The following CA12 variants were observed in gnomAD, a reference collection of about 807,000 sequenced individuals.
CA12 encodes the protein carbonic anhydrase 12.
A neutral mutation model predicts 46.8 loss-of-function variants in CA12; 36 were observed. The ratio of observed to expected loss-of-function variants is 0.77; its 90% CI spans 0.59 to 1.02. The LOEUF is 1.02. Ranked by LOEUF, CA12 falls within the 50% of genes least tolerant of loss-of-function variation. The pLI is 0.00. For synonymous variants in CA12, 202 were observed against 187.0 expected (o/e 1.08, Z -0.65); for missense variants, 436 against 451.4 (o/e 0.97, Z 0.31).
chr15:63,349,616 C>A (rs568892226), intron 2 of CA12, among the ~76,000 whole-genome samples: 2 of 152,266 alleles, frequency 1.3e-5, no homozygotes, highest in South Asian at 4.1e-4. Flanking sequence ...AGAATTGCAC[C>A]ATTTTATGGG....
chr15:63,337,884 G>A lies in CA12; in HGVS notation c.874+935C>T, dbSNP rs77980930. ...GAACGGGTTATCTTTAAATATGAACGCCAGGCCCGGTTTGGTCCACACGTG... is the reference window on the plus strand; with the variant it reads ...GAACGGGTTATCTTTAAATATGAACACCAGGCCCGGTTTGGTCCACACGTG... On this transcript the variant is annotated intron_variant, in intron 8 of 10. Transcript: ENST00000178638. Among the ~76,000 whole-genome samples, 122 of 152,206 alleles carry A rather than the reference G, an allele frequency of 8.0e-4. No homozygotes were observed. The East Asian group carries it at 0.02, about 25-fold the overall frequency.
At position 63,348,156 on chromosome 15, in the gene CA12, C is replaced by T. The variant is rs898199030; in HGVS notation, c.107-1447G>A. ...ATCGGAACCCTACTGATTTTTCAGG[C>T]TGTCAACCTTAGGCTATGCATTTTC... On this transcript the variant is annotated intron_variant, in intron 2 of 10. Transcript: ENST00000178638. The surrounding 1 kb of genome is among the most constrained non-coding windows in gnomAD (Gnocchi z 4.6). Among the ~76,000 whole-genome samples the T allele has an allele frequency of 3.9e-5, 6 of 152,222 alleles. No homozygotes were observed. Among genetic ancestry groups the T allele is most frequent in the African/African-American group, 1.4e-4 (6 of 41,450 alleles).
Position 63,381,627 on chromosome 15 carries a change from A to G in CA12, c.85+9T>C. The G allele has an allele frequency of 6.2e-7, 1 of 1,608,700 alleles. No individual in the cohort carries two copies. Among genetic ancestry groups the G allele is most frequent in the Non-Finnish European group, 8.5e-7 (1 of 1,177,428 alleles). On this transcript the variant is annotated intron_variant, in intron 1 of 10. Transcript: ENST00000178638. ...GGAGTGTTAGGAAAGAAGCAGGCGG[A>G]AACTTTACCGTTCACTGGGGCCGGG...
In CA12 at chr15:63,325,941, C is replaced by G. The variant is rs779342366; in HGVS notation, c.*344G>C. 39 of 313,584 alleles carry G rather than the reference C, an allele frequency of 1.2e-4. No individual in the cohort carries two copies. Among genetic ancestry groups the G allele is most frequent in the Non-Finnish European group, 2.4e-4 (38 of 161,630 alleles). 19.4% of individuals were successfully genotyped at this position (313,584 alleles called of 1,614,324 possible). On this transcript the variant is annotated 3_prime_UTR_variant, in exon 11 of 11. Transcript: ENST00000178638. The surrounding 1 kb of genome is among the most constrained non-coding windows in gnomAD (Gnocchi z 4.9). Reference sequence around the variant, plus strand: ...CAGGACACTTGAAAGCACGCTCTGGCAAAGCCCCGGATGAAAGTGTTTTCC... The same window carrying G: ...CAGGACACTTGAAAGCACGCTCTGGGAAAGCCCCGGATGAAAGTGTTTTCC...
intron 10 of CA12, among the ~76,000 whole-genome samples, 179 bp downstream of exon 10, chr15:63,326,970 T>C (rs2038874996): frequency 6.6e-6 from 1 of 152,150 alleles, no homozygotes; most frequent in African/African-American, 2.4e-5. Context: ...ACGACCAGGG[T>C]CACATGTGCG....
At chr15:63,351,662 C>T (rs2039233904) in intron 2 of CA12, among the ~76,000 whole-genome samples, 1 of 152,184 alleles carries the variant, frequency 6.6e-6, no homozygotes, top group Non-Finnish European at 1.5e-5. Flanking sequence ...TCCTCTGCAC[C>T]TTTCCAAATT....
At chr15:63,359,623 A>G (rs909180275) in intron 2 of CA12, among the ~76,000 whole-genome samples, 1 of 152,176 alleles carries the variant, frequency 6.6e-6, no homozygotes, top group Non-Finnish European at 1.5e-5. Flanking sequence ...TAAGATCTAT[A>G]TGCTATATGC....
rs1475621285 is a variant in CA12 at position 63,326,353 on chromosome 15, T to A, written c.997A>T (p.Lys333Ter). Residue 333 changes from lysine to a stop codon, truncating the protein, a stop_gained, in exon 11 of 11, where the codon AAA becomes TAA. Coordinates refer to ENST00000178638, the MANE Select transcript of CA12 (RefSeq NM_001218.5). LOFTEE classifies it high-confidence loss of function. The part of the protein sequence containing the change: ...SIWLFRRKSI[K>*]KGDNKGVIYK... ...ATGACTCCCTTGTTATCACCTTTTT[T>A]GATACTAGAACAGAAAGAACACATA... is the stretch of plus-strand genomic sequence containing the variant. The A allele has an allele frequency of 8.1e-6, 13 of 1,613,038 alleles. No homozygotes were observed. In the East Asian group the frequency reaches 2.5e-4, roughly 30 times the overall value.
intron 2 of CA12, among the ~76,000 whole-genome samples, chr15:63,366,353 G>C (rs932009579): frequency 6.6e-6 from 1 of 152,062 alleles, no homozygotes; most frequent in Non-Finnish European, 1.5e-5. Flanking sequence ...CCCTTTGCCT[G>C]GCTTGCTCTT....
chr15:63,373,995 G>A lies in CA12; in HGVS notation c.106+1663C>T, dbSNP rs879403446. Among the ~76,000 whole-genome samples the A allele has an allele frequency of 1.3e-5, 2 of 152,122 alleles. No individual in the cohort carries two copies. Among genetic ancestry groups the A allele is most frequent in the Non-Finnish European group, 2.9e-5 (2 of 68,018 alleles). On this transcript the variant is annotated intron_variant, in intron 2 of 10. Transcript: ENST00000178638. This position sits in a 1 kb window ranked among gnomAD's most constrained non-coding sequence, Gnocchi z 4.9. The stretch of plus-strand genomic sequence containing the variant: ...ACTGCCACCACTGTAAACTGGATGT[G>A]AAGACACGGAACGGGGTTTCTCCAC...
chr15:63,348,210 GA>G lies in CA12; in HGVS notation c.107-1502del, dbSNP rs1189600508. The stretch of plus-strand genomic sequence containing the variant: ...AATGTTACAGCATGACGGAATTGCA[GA>G]ATCTCCAGTCCAACCTTTCACTGGA... On this transcript the variant is annotated intron_variant, in intron 2 of 10. Coordinates refer to ENST00000178638, the MANE Select transcript of CA12 (RefSeq NM_001218.5). This position sits in a 1 kb window ranked among gnomAD's most constrained non-coding sequence, Gnocchi z 4.6. Among the ~76,000 whole-genome samples the G allele has an allele frequency of 3.3e-5, 5 of 152,320 alleles. No homozygotes were observed. The highest frequency in any genetic ancestry group is 9.6e-5 in the African/African-American group (4 of 41,574).
At chr15:63,379,043 T>A (rs1355097401) in intron 1 of CA12, 1 of 152,176 alleles carries the variant, frequency 6.6e-6, no homozygotes, top group Non-Finnish European at 1.5e-5. Context: ...GGCCTCAGCA[T>A]CACACTCTGG....
chr15:63,365,344 G>A (rs1278757617), intron 2 of CA12, among the ~76,000 whole-genome samples: 1 of 152,238 alleles, frequency 6.6e-6, no homozygotes, highest in Non-Finnish European at 1.5e-5. Flanking sequence ...GTAGTGCAGG[G>A]CACACAGTGC....
intron 2 of CA12, among the ~76,000 whole-genome samples, chr15:63,359,779 G>A (rs1242931079): frequency 6.6e-6 from 1 of 152,060 alleles, no homozygotes. Flanking sequence ...AAACTTGACC[G>A]CCACTCTCCC....
At chr15:63,337,969 A>C (rs2039024359) in intron 8 of CA12, among the ~76,000 whole-genome samples, 1 of 152,236 alleles carries the variant, frequency 6.6e-6, no homozygotes, top group East Asian at 1.9e-4. Context: ...GCTGGGAAGC[A>C]GTCGAGAATC....
intron 8 of CA12, among the ~76,000 whole-genome samples, chr15:63,335,003 T>C (rs1461622739): frequency 6.6e-6 from 1 of 152,170 alleles, no homozygotes; most frequent in African/African-American, 2.4e-5. Context: ...TCCAGACTCC[T>C]ATGACATCAG....
At position 63,340,755 on chromosome 15, in the gene CA12, T is replaced by C; in HGVS notation, c.554A>G (p.Lys185Arg). ...EMGSFNPSYD[K>R]IFSHLQHVKY... ...TACATGTTGAAGGTGACTGAAGATC[T>C]TGTCATAGGACGGATTGAAGGAGCC... The change falls in exon 6 of 11, where the codon AAG (lysine) becomes AGG (arginine). Residue 185 changes from lysine to arginine, a missense_variant. Coordinates refer to ENST00000178638, the MANE Select transcript of CA12 (RefSeq NM_001218.5). This position sits in a 1 kb window ranked among gnomAD's most constrained non-coding sequence, Gnocchi z 4.4. 2 of 1,614,176 alleles carry C rather than the reference T, an allele frequency of 1.2e-6. No individual in the cohort carries two copies. Among genetic ancestry groups the C allele is most frequent in the Non-Finnish European group, 1.7e-6 (2 of 1,180,010 alleles).
At chr15:63,357,411 C>T (rs1230546276) in intron 2 of CA12, among the ~76,000 whole-genome samples, 2 of 152,218 alleles carry the variant, frequency 1.3e-5, no homozygotes, top group Admixed American at 1.3e-4. Flanking sequence ...TCAACCATGG[C>T]TACATAGTGG....
In CA12 at chr15:63,346,711, T is replaced by C. The variant is rs2039155153; in HGVS notation, c.107-2A>G. 1.2e-6 allele frequency: 2 copies of C among 1,614,048 alleles called. No individual in the cohort carries two copies. The highest frequency in any genetic ancestry group is 2.7e-5 in the African/African-American group (2 of 74,946). ...ACCAGCTATTCTCCCCATCAGGACC[T>C]GGACACAGAGATCCATGCTCAAGAT... On this transcript the variant is annotated splice_acceptor_variant, in intron 2 of 10. Transcript: ENST00000178638. LOFTEE classifies it high-confidence loss of function.
Sources: gnomAD v4.1 joint callset for allele counts (sites outside exome capture counted in the v4.1 genomes callset) on GRCh38, gnomAD v4.1.1 for gene constraint, Gnocchi (gnomAD v3.1) non-coding constraint, MANE v1.5 for transcripts, NCBI Gene and HGNC (gene_info 2026-07-23, HGNC 2026-07-21) for gene names.